The following LLGL1 variants were observed in gnomAD, a reference collection of about 807,000 sequenced individuals.
The protein encoded by LLGL1 is LLGL scribble cell polarity complex component 1.
LLGL1 carries 58 observed loss-of-function variants against 110.6 expected under a neutral mutation model. The ratio of observed to expected loss-of-function variants is 0.52; its 90% CI spans 0.42 to 0.65. The LOEUF (loss-of-function observed/expected upper bound fraction) is 0.65. LLGL1 is among the 30% of genes least tolerant of loss of function. The pLI, the probability that LLGL1 is intolerant of heterozygous loss-of-function variation, is 0.00. For missense variants in LLGL1, 1,229 were observed against 1,462.1 expected, an observed-to-expected ratio of 0.84 and a Z score of 2.60; for synonymous variants, 674 against 607.2, an observed-to-expected ratio of 1.11 and a Z score of -1.62.
rs894594495 is a variant in LLGL1, at chr17:18,234,750, G to T, written c.905+47G>T. On this transcript the variant is annotated intron_variant, in intron 8 of 22. Coordinates refer to ENST00000316843, the MANE Select transcript of LLGL1 (RefSeq NM_004140.4). ...CCGATGTGAGTTGGGTCTGGCTAGG[G>T]GGCTGGAAGGGTGGGCTCTCCCTAG... 5 of 1,613,732 alleles carry T rather than the reference G, an allele frequency of 3.1e-6. No individual in the cohort carries two copies. In the African/African-American group the frequency reaches 6.7e-5, roughly 22 times the overall value.
chr17:18,240,588 C>G lies in LLGL1; in HGVS notation c.2217C>G (p.His739Gln), dbSNP rs752464459. ...GCTTGTTTTCTGCAGGGGCCCACCA[C>G]GGGCCCACCATGTGGGCTGGCACCA... ...ADTFLRDGAHHGPTMWAGTNS... is the reference protein window; with the variant it reads ...ADTFLRDGAHQGPTMWAGTNS... The change falls in exon 17 of 23, where the codon CAC becomes CAG. Residue 739 changes from histidine to glutamine, a missense_variant. His to Gln is a conservative substitution (Grantham distance 24). Coordinates refer to ENST00000316843, the MANE Select transcript of LLGL1 (RefSeq NM_004140.4). This position sits in a 1 kb window ranked among gnomAD's most constrained non-coding sequence, Gnocchi z 5.3. 2.5e-6 allele frequency: 4 copies of G among 1,595,154 alleles called. No individual in the cohort carries two copies. In the East Asian group the frequency reaches 9.0e-5, roughly 36 times the overall value.
chr17:18,227,085 C>T (rs565636616), intron 1 of LLGL1, among the ~76,000 whole-genome samples: 1 of 152,296 alleles, frequency 6.6e-6, no homozygotes, highest in African/African-American at 2.4e-5. Flanking sequence ...GTGCCAGGCG[C>T]CCTGGGCTGC....
Position 18,225,651 on chromosome 17 carries a change from C to G in LLGL1, c.-32C>G, listed in dbSNP as rs1489361256. On this transcript the variant is annotated 5_prime_UTR_variant, in exon 1 of 23. Transcript: ENST00000316843. Reference sequence around the variant, plus strand: ...GCGCGGCGCATCCTGCGGGCGGCGGCGGCGGGCGAGGCGCCTGCAGCCGGG... The same window carrying G: ...GCGCGGCGCATCCTGCGGGCGGCGGGGGCGGGCGAGGCGCCTGCAGCCGGG... 4 of 969,636 alleles carry G rather than the reference C, an allele frequency of 4.1e-6. No homozygotes were observed. Among genetic ancestry groups the G allele is most frequent in the Non-Finnish European group, 4.9e-6 (4 of 816,680 alleles). The allele number at this position is 969,636 out of a possible 1,614,324, so 60.1% of individuals were successfully genotyped here.
chr17:18,230,102 T>C (rs1296113629), intron 2 of LLGL1, 64 bp downstream of exon 2: 1 of 1,285,600 alleles, frequency 7.8e-7, no homozygotes. Context: ...TTCCCTGTGC[T>C]CTGGGGTCCC....
At position 18,240,791 on chromosome 17, in the gene LLGL1, A is replaced by C; in HGVS notation, c.2420A>C (p.Tyr807Ser). The change falls in exon 17 of 23, where the codon TAC becomes TCC. Residue 807 changes from tyrosine to serine, a missense_variant. Physicochemically the swap from Tyr to Ser is moderately radical, Grantham distance 144. Transcript: ENST00000316843. This position sits in a 1 kb window ranked among gnomAD's most constrained non-coding sequence, Gnocchi z 5.3. The stretch of plus-strand genomic sequence containing the variant: ...CGTGGCCGCCCACTGCCCGAGCCCT[A>C]CGAGGCCTCACGGGACCTGGCGCAG... ...DGRGRPLPEP[Y>S]EASRDLAQAP... is the part of the protein sequence containing the mutation. 1 of 1,593,338 alleles carries C rather than the reference A, an allele frequency of 6.3e-7. No homozygotes were observed. The highest frequency in any genetic ancestry group is 8.6e-7 in the Non-Finnish European group (1 of 1,168,740).
At chr17:18,238,643 G>T (rs748423138) in intron 16 of LLGL1, 34 bp downstream of exon 16, 5 of 1,583,814 alleles carry the variant, frequency 3.2e-6, no homozygotes, top group South Asian at 1.1e-5. Context: ...ACAGGGCAAG[G>T]GTTGGGGGGG....
intron 10 of LLGL1, 40 bp from the exon 11 acceptor site, chr17:18,235,430 G>A (rs376248216): frequency 3.0e-5 from 48 of 1,612,356 alleles, no homozygotes; most frequent in African/African-American, 2.4e-4. Flanking sequence ...GAAGATGTTC[G>A]TCCTAACCTT....
intron 13 of LLGL1, chr17:18,237,146 T>C (rs9907277): frequency 0.012 from 7,260 of 601,396 alleles, 298 homozygotes; most frequent in African/African-American, 0.099. Flanking sequence ...AGGGAACTCA[T>C]GTCAGTGCTG....
At position 18,235,017 on chromosome 17, in the gene LLGL1, C is replaced by G. The variant is rs546143395; in HGVS notation, c.1060+24C>G. ...TGGTGCGTGCCCTGCCGTACCCTAC[C>G]CTTTCCCAGCCCCACCTGGTGCCCT... On this transcript the variant is annotated intron_variant, in intron 9 of 22. Coordinates refer to ENST00000316843, the MANE Select transcript of LLGL1 (RefSeq NM_004140.4). 17 of 1,613,946 alleles carry G rather than the reference C, an allele frequency of 1.1e-5. No homozygotes were observed. In the South Asian group the frequency reaches 1.6e-4, roughly 16 times the overall value.
chr17:18,239,840 G>A, intron 16 of LLGL1, among the ~76,000 whole-genome samples: 1 of 152,058 alleles, frequency 6.6e-6, no homozygotes, highest in East Asian at 1.9e-4. Flanking sequence ...AGGCCGATGG[G>A]TTCATGTTCA....
chr17:18,242,703 TC>T (rs1249043637), intron 21 of LLGL1, 39 bp from the exon 22 acceptor site: 1 of 1,560,862 alleles, frequency 6.4e-7, no homozygotes, highest in Non-Finnish European at 8.7e-7. Flanking sequence ...TGCCAGGGGC[TC>T]CCCCGCCCCC....
rs2047638753 is a variant in LLGL1, at chr17:18,234,259, CT to C, written c.715-13del. On this transcript the variant is annotated splice_polypyrimidine_tract_variant and intron_variant, in intron 6 of 22. Coordinates refer to ENST00000316843, the MANE Select transcript of LLGL1 (RefSeq NM_004140.4). Reference sequence around the variant, plus strand: ...CTCATGCCTGCCTGCCTGCCTGCCCCTGCCTGCCCGCAGCAGCTGGAGAGCC... The same window carrying C: ...CTCATGCCTGCCTGCCTGCCTGCCCCGCCTGCCCGCAGCAGCTGGAGAGCC... 1 of 1,596,900 alleles carries C rather than the reference CT, an allele frequency of 6.3e-7. No homozygotes were observed. Among genetic ancestry groups the C allele is most frequent in the South Asian group, 1.1e-5 (1 of 89,114 alleles).
chr17:18,239,328 G>T (rs774067387), intron 16 of LLGL1, among the ~76,000 whole-genome samples: 8 of 152,190 alleles, frequency 5.3e-5, no homozygotes, highest in Admixed American at 1.3e-4. Context: ...AGTGGCCTGG[G>T]AGCCCTGGGA....
chr17:18,239,414 A>G (rs1420446268), intron 16 of LLGL1, among the ~76,000 whole-genome samples: 1 of 152,106 alleles, frequency 6.6e-6, no homozygotes, highest in Non-Finnish European at 1.5e-5. Context: ...CATACACAAA[A>G]ATAGAGAGGT....
intron 16 of LLGL1, among the ~76,000 whole-genome samples, chr17:18,239,905 C>G (rs1004565099): frequency 2.0e-5 from 3 of 152,054 alleles, no homozygotes; most frequent in African/African-American, 7.3e-5. Context: ...CACTTAATGC[C>G]TCAGGATCCA....
intron 14 of LLGL1, 52 bp downstream of exon 14, chr17:18,237,825 C>A: frequency 1.3e-6 from 2 of 1,548,036 alleles, no homozygotes; most frequent in South Asian, 1.2e-5. Context: ...GAGATGGGGT[C>A]TGGGCTTCCG....
chr17:18,244,792 T>C lies in LLGL1; in HGVS notation c.*886T>C, dbSNP rs1250264111. 6 of 274,900 alleles carry C rather than the reference T, an allele frequency of 2.2e-5. No homozygotes were observed. The highest frequency in any genetic ancestry group is 4.4e-5 in the African/African-American group (2 of 45,494). 17.0% of individuals were successfully genotyped at this position (274,900 alleles called of 1,614,324 possible). A position where few individuals can be genotyped will look rare whatever the true frequency, so the allele number is the denominator to read the frequency against. On this transcript the variant is annotated 3_prime_UTR_variant, in exon 23 of 23. Transcript: ENST00000316843. ...GATTGTACCTTGGGGTTTTTTTCTG[T>C]CGTTTTGTTAAAATTAGCGCCATTT...
In LLGL1 at chr17:18,232,500, G is replaced by T; in HGVS notation, c.185G>T (p.Gly62Val). The part of the protein sequence containing the change: ...GTRSGAVKIY[G>V]APGVEFTGLH... Reference sequence around the variant, plus strand: ...CCTTGACCTGCCACCCTCAGCTATGGTGCACCTGGCGTGGAGTTCACAGGC... The same window carrying T: ...CCTTGACCTGCCACCCTCAGCTATGTTGCACCTGGCGTGGAGTTCACAGGC... Residue 62 changes from glycine to valine, a missense_variant, in exon 3 of 23, where the codon GGT (glycine) becomes GTT (valine). Gly to Val is a moderately radical substitution (Grantham distance 109, BLOSUM62 -3). Transcript: ENST00000316843. The T allele has an allele frequency of 6.2e-7, 1 of 1,613,722 alleles. No individual in the cohort carries two copies. The highest frequency in any genetic ancestry group is 8.5e-7 in the Non-Finnish European group (1 of 1,179,770).
rs541279729 is a variant in LLGL1, at chr17:18,233,696, C to T, written c.393-82C>T. The T allele has an allele frequency of 5.5e-6, 8 of 1,455,396 alleles. No individual in the cohort carries two copies. The African/African-American group carries it at 1.1e-4, about 20-fold the overall frequency. 90.2% of individuals were successfully genotyped at this position (1,455,396 alleles called of 1,614,324 possible). On this transcript the variant is annotated intron_variant, in intron 4 of 22. Transcript: ENST00000316843. ...TGCTGTGGGGCCAGTGATGAGTTAT[C>T]AGCAGTGGCCCAGCCCCTCACACCC...
Sources: gnomAD v4.1 joint callset for allele counts (sites outside exome capture counted in the v4.1 genomes callset) on GRCh38, gnomAD v4.1.1 for gene constraint, Gnocchi (gnomAD v3.1) non-coding constraint, MANE v1.5 for transcripts, NCBI Gene and HGNC (gene_info 2026-07-23, HGNC 2026-07-21) for gene names.